Variants in FARP1 observed in about 807,000 individuals in gnomAD.
FARP1 encodes FERM, ARH/RhoGEF and pleckstrin domain protein 1, also known as FERM, ARHGEF and pleckstrin domain-containing protein 1.
A neutral mutation model predicts 128.8 loss-of-function variants in FARP1; 52 were observed. That is an observed-to-expected ratio of 0.40 (90% CI 0.32 to 0.51). The LOEUF (loss-of-function observed/expected upper bound fraction) is 0.51, where lower values mean the gene tolerates loss of function less well. Among genes scored for constraint, FARP1 ranks in the 20% least tolerant of loss-of-function variants. The probability of loss-of-function intolerance (pLI) is 0.45; values close to 1 mark genes in which losing one functional copy is unlikely to be tolerated. For missense variants in FARP1, 1,333 were observed against 1,367.9 expected (o/e 0.97, Z 0.40); for synonymous variants, 580 against 551.8 (o/e 1.05, Z -0.72).
chr13:98,251,721 G>T (rs1883335161), intron 2 of FARP1, among the ~76,000 whole-genome samples: 1 of 151,466 alleles, frequency 6.6e-6, no homozygotes, highest in South Asian at 2.1e-4. Context: ...CATTAGGGAA[G>T]AGGGAGGACA....
intron 24 of FARP1, chr13:98,445,882 C>T: frequency 3.9e-6 from 2 of 514,626 alleles, no homozygotes; most frequent in South Asian, 2.3e-5. Flanking sequence ...ACACAGGGAC[C>T]CCAAGATGCC....
intron 18 of FARP1, chr13:98,432,359 G>A (rs1892065525): frequency 6.7e-6 from 1 of 150,274 alleles, no homozygotes; most frequent in African/African-American, 2.4e-5. Context: ...CTGAGACTCA[G>A]GGGAAGGGAC....
chr13:98,238,528 G>C (rs1426611017), intron 2 of FARP1, among the ~76,000 whole-genome samples: 1 of 152,198 alleles, frequency 6.6e-6, no homozygotes, highest in Non-Finnish European at 1.5e-5. Flanking sequence ...CCACATGGGT[G>C]GGGAGGCCTC....
intron 2 of FARP1, chr13:98,244,753 T>C: frequency 6.4e-7 from 1 of 1,553,032 alleles, no homozygotes; most frequent in Non-Finnish European, 8.9e-7. Flanking sequence ...TCAAAGAAAT[T>C]GATTGGCAAT....
intron 4 of FARP1, among the ~76,000 whole-genome samples, chr13:98,367,573 T>C (rs1307531680): frequency 6.6e-6 from 1 of 152,020 alleles, no homozygotes; most frequent in East Asian, 1.9e-4. Flanking sequence ...CCTGATTTTG[T>C]CTAAACTCAT....
chr13:98,381,502 T>C (rs897691803), intron 6 of FARP1: 10 of 152,232 alleles, frequency 6.6e-5, no homozygotes, highest in Admixed American at 6.5e-4. Context: ...CCTTGCATCT[T>C]CCCTGCAGTA....
intron 2 of FARP1, among the ~76,000 whole-genome samples, chr13:98,231,256 C>G (rs1882096804): frequency 6.6e-6 from 1 of 151,688 alleles, no homozygotes; most frequent in African/African-American, 2.4e-5. Flanking sequence ...ACGGAGGACA[C>G]AGAAAATAAA....
intron 2 of FARP1, among the ~76,000 whole-genome samples, chr13:98,322,816 C>T (rs1423844741): frequency 9.9e-5 from 15 of 152,188 alleles, no homozygotes; most frequent in Admixed American, 2.6e-4. Context: ...ACTGAAAACA[C>T]GGGCACACAC....
chr13:98,236,962 A>C (rs1882457603), intron 2 of FARP1, among the ~76,000 whole-genome samples: 1 of 152,214 alleles, frequency 6.6e-6, no homozygotes, highest in African/African-American at 2.4e-5. Context: ...ATTGCACTCC[A>C]GCCTGGGCAA....
chr13:98,248,411 G>A (rs927737231), intron 2 of FARP1, among the ~76,000 whole-genome samples: 1 of 152,060 alleles, frequency 6.6e-6, no homozygotes, highest in African/African-American at 2.4e-5. Context: ...ATTTTCCTGT[G>A]GCCATAGACA....
At chr13:98,308,435 C>CAGTG (rs145279121) in intron 2 of FARP1, among the ~76,000 whole-genome samples, 6,768 of 152,114 alleles carry the variant, frequency 0.044, 511 homozygotes, top group African/African-American at 0.15. Context: ...GCGAATGCAT[C>CAGTG]ACCTGAGGAA....
At chr13:98,392,185 GTGTA>G (rs1890328791) in intron 11 of FARP1, among the ~76,000 whole-genome samples, 1 of 151,992 alleles carries the variant, frequency 6.6e-6, no homozygotes, top group African/African-American at 2.4e-5. Flanking sequence ...CCAAAAGAGT[GTGTA>G]GAATTGCTCT....
intron 3 of FARP1, among the ~76,000 whole-genome samples, chr13:98,348,921 C>T (rs1402242090): frequency 6.6e-6 from 1 of 152,000 alleles, no homozygotes; most frequent in African/African-American, 2.4e-5. Context: ...GTGCCCAGTC[C>T]TTAACAATGA....
At chr13:98,417,747 G>A (rs756125435) in intron 16 of FARP1, among the ~76,000 whole-genome samples, 5 of 152,218 alleles carry the variant, frequency 3.3e-5, no homozygotes, top group East Asian at 1.9e-4. Context: ...TTGTGTTGCC[G>A]TGATGCTAGG....
intron 13 of FARP1, chr13:98,395,955 T>G (rs1890523421): frequency 5.0e-6 from 2 of 399,136 alleles, no homozygotes; most frequent in African/African-American, 4.1e-5. Context: ...GACATGACCA[T>G]AGAGAGGGGA....
At chr13:98,221,588 T>G (rs1324961975) in intron 2 of FARP1, among the ~76,000 whole-genome samples, 1 of 152,234 alleles carries the variant, frequency 6.6e-6, no homozygotes, top group Non-Finnish European at 1.5e-5. Context: ...GCAGCTTCTG[T>G]GAGCTTCAGT....
At chr13:98,352,955 T>C (rs1227148691) in intron 3 of FARP1, among the ~76,000 whole-genome samples, 3 of 152,182 alleles carry the variant, frequency 2.0e-5, no homozygotes, top group African/African-American at 7.2e-5. Context: ...TGCATATGTT[T>C]GTAATGTTTT....
intron 13 of FARP1, chr13:98,404,001 C>CCACCACCACCACCACCAT (rs1287099675): frequency 6.6e-6 from 1 of 150,742 alleles, no homozygotes; most frequent in Admixed American, 6.6e-5. Context: ...ACTGCCTCCA[C>CCACCACCACCACCACCAT]CACCACCACC....
At chr13:98,382,556 C>T (rs546696248) in intron 6 of FARP1, 5 of 152,244 alleles carry the variant, frequency 3.3e-5, no homozygotes, top group African/African-American at 1.2e-4. Context: ...TTAAGGAATT[C>T]CTCCATAGAT....
Sources: allele counts gnomAD v4.1 joint callset (sites outside exome capture counted in the v4.1 genomes callset), GRCh38; gene constraint gnomAD v4.1.1; transcripts MANE v1.5; gene names NCBI Gene and HGNC (gene_info 2026-07-23, HGNC 2026-07-21).